Variants in POU6F2 observed in about 807,000 individuals in gnomAD.
The protein encoded by POU6F2 is POU domain, class 6, transcription factor 2.
A neutral mutation model predicts 71.3 loss-of-function variants in POU6F2; 31 were observed. That is an observed-to-expected ratio of 0.43 (90% confidence interval 0.33 to 0.59). The LOEUF is 0.59. Ranked by LOEUF, POU6F2 falls within the 20% of genes least tolerant of loss-of-function variation. The pLI is 0.04. For synonymous variants in POU6F2, 347 were observed against 355.7 expected (o/e 0.98, Z 0.27); for missense variants, 783 against 856.8 (o/e 0.91, Z 1.07).
At chr7:38,992,119 G>A (rs2116628100) in intron 1 of POU6F2, among the ~76,000 whole-genome samples, 1 of 152,248 alleles carries the variant, frequency 6.6e-6, no homozygotes, top group African/African-American at 2.4e-5. Flanking sequence ...TGTAGCGGGA[G>A]CTCAGTGGGC....
chr7:39,331,289 C>T (rs1671262994), intron 4 of POU6F2, among the ~76,000 whole-genome samples: 2 of 152,136 alleles, frequency 1.3e-5, no homozygotes, highest in Admixed American at 6.5e-5. Flanking sequence ...GTATATACAT[C>T]TAATAGTGGG....
rs575666244 is a variant in POU6F2 at position 39,308,719 on chromosome 7, C to T, written c.599-30923C>T. ...GACTGGAGGCCATTGCTCCTGGGGG[C>T]AGCCAAAAAAGGTGTATTCTGCTCC... On this transcript the variant is annotated intron_variant, in intron 4 of 9. Coordinates refer to ENST00000518318, the MANE Select transcript of POU6F2 (RefSeq NM_001370959.1). Among the ~76,000 whole-genome samples, 14 of 152,234 alleles carry T rather than the reference C, an allele frequency of 9.2e-5. No homozygotes were observed. The South Asian group carries it at 2.9e-3, about 32-fold the overall frequency.
chr7:39,073,906 T>C (rs1292426293), intron 1 of POU6F2, among the ~76,000 whole-genome samples: 6 of 152,244 alleles, frequency 3.9e-5, no homozygotes, highest in Non-Finnish European at 5.9e-5. Flanking sequence ...GTGAACCTTG[T>C]AGAATTAAAA....
At chr7:39,007,861 A>AT (rs1304966365) in intron 1 of POU6F2, among the ~76,000 whole-genome samples, 1 of 151,326 alleles carries the variant, frequency 6.6e-6, no homozygotes, top group Admixed American at 6.6e-5. Context: ...TGAACTCATC[A>AT]TTTTTTATGG....
At chr7:39,230,774 C>T (rs1202892219) in intron 4 of POU6F2, among the ~76,000 whole-genome samples, 1 of 152,160 alleles carries the variant, frequency 6.6e-6, no homozygotes, top group Non-Finnish European at 1.5e-5. Flanking sequence ...GGTCAATATA[C>T]TCAATATATA....
intron 2 of POU6F2, among the ~76,000 whole-genome samples, chr7:39,118,761 A>G (rs1001880400): frequency 3.3e-5 from 5 of 152,232 alleles, no homozygotes; most frequent in African/African-American, 1.2e-4. Flanking sequence ...AACAAAGGAT[A>G]TGAACTGCCA....
intron 4 of POU6F2, among the ~76,000 whole-genome samples, chr7:39,322,236 A>C (rs1785412669): frequency 6.6e-6 from 1 of 152,122 alleles, no homozygotes; most frequent in Non-Finnish European, 1.5e-5. Context: ...TGACCAGGGG[A>C]AGAGAAGTGA....
intron 4 of POU6F2, among the ~76,000 whole-genome samples, chr7:39,271,681 C>T (rs1445204821): frequency 6.6e-6 from 1 of 152,140 alleles, no homozygotes; most frequent in African/African-American, 2.4e-5. Flanking sequence ...AGCAAACCTG[C>T]TCGATGTGCC....
At chr7:39,403,704 G>T (rs201584084) in intron 5 of POU6F2, among the ~76,000 whole-genome samples, 2 of 152,186 alleles carry the variant, frequency 1.3e-5, no homozygotes, top group East Asian at 3.8e-4. Flanking sequence ...ATGACCCGAG[G>T]TGATGAGAAG....
rs1248454686 is a variant in POU6F2, at chr7:39,223,148, T to C, written c.598+15528T>C. On this transcript the variant is annotated intron_variant, in intron 4 of 9. Coordinates refer to ENST00000518318, the MANE Select transcript of POU6F2 (RefSeq NM_001370959.1). Reference sequence around the variant, plus strand: ...TGTTGGGTGTGAAGTGATATCTCATTATGGTTGAAGGAGCATTTTTGAGAG... The same window carrying C: ...TGTTGGGTGTGAAGTGATATCTCATCATGGTTGAAGGAGCATTTTTGAGAG... 5.3e-5 allele frequency among the ~76,000 whole-genome samples: 8 copies of C among 152,166 alleles called. No homozygotes were observed. In the South Asian group the frequency reaches 1.7e-3, roughly 32 times the overall value.
chr7:39,327,595 TA>T (rs1434451594), intron 4 of POU6F2, among the ~76,000 whole-genome samples: 5 of 151,914 alleles, frequency 3.3e-5, no homozygotes, highest in Non-Finnish European at 5.9e-5. Flanking sequence ...CTCCCCACTC[TA>T]AAAAAGAAAA....
chr7:39,130,679 A>AT (rs550187206), intron 2 of POU6F2, among the ~76,000 whole-genome samples: 34 of 151,194 alleles, frequency 2.2e-4, no homozygotes, highest in Non-Finnish European at 3.5e-4. Flanking sequence ...TAAAAATCAG[A>AT]TTTTTTTTTT....
chr7:39,127,314 A>T (rs1033181185), intron 2 of POU6F2, among the ~76,000 whole-genome samples: 5 of 152,282 alleles, frequency 3.3e-5, no homozygotes, highest in Non-Finnish European at 7.4e-5. Flanking sequence ...CCTTACCAAA[A>T]ACGTGTCTAT....
chr7:39,406,887 A>G (rs1787445198), intron 6 of POU6F2, 147 bp downstream of exon 6: 1 of 1,155,268 alleles, frequency 8.7e-7, no homozygotes, highest in Non-Finnish European at 1.2e-6. Flanking sequence ...GAATAGGAGA[A>G]GGGTTGGGAG....
At chr7:39,454,713 TATATATATATATATAAAA>T (rs1788756598) in intron 8 of POU6F2, among the ~76,000 whole-genome samples, 1 of 76,734 alleles carries the variant, frequency 1.3e-5, no homozygotes, top group Non-Finnish European at 2.8e-5. Context: ...TATATATATA[TATATATATATATATAAAA>T]TAAGATATAT....
At chr7:39,198,150 T>A (rs1217249270) in intron 2 of POU6F2, among the ~76,000 whole-genome samples, 1 of 152,216 alleles carries the variant, frequency 6.6e-6, no homozygotes, top group Non-Finnish European at 1.5e-5. Context: ...CTGCTTTTAT[T>A]AGATAGATGT....
intron 4 of POU6F2, among the ~76,000 whole-genome samples, chr7:39,218,967 G>A (rs754558025): frequency 6.6e-6 from 1 of 152,074 alleles, no homozygotes; most frequent in Non-Finnish European, 1.5e-5. Context: ...AGAGATTTCT[G>A]GGGGAGAAGA....
intron 6 of POU6F2, among the ~76,000 whole-genome samples, chr7:39,431,317 T>TAGGGATGAG (rs1472109404): frequency 2.0e-5 from 3 of 152,156 alleles, no homozygotes; most frequent in Admixed American, 6.5e-5. Flanking sequence ...AGCAATGGCA[T>TAGGGATGAG]AGGGATGAGG....
intron 4 of POU6F2, among the ~76,000 whole-genome samples, chr7:39,210,627 C>T (rs745671878): frequency 2.0e-5 from 3 of 152,122 alleles, no homozygotes; most frequent in Non-Finnish European, 2.9e-5. Context: ...CAGCTCTTCT[C>T]GACTCTGACA....
Sources: gnomAD v4.1 joint callset for allele counts (sites outside exome capture counted in the v4.1 genomes callset) on GRCh38, gnomAD v4.1.1 for gene constraint, MANE v1.5 for transcripts, NCBI Gene and HGNC (gene_info 2026-07-23, HGNC 2026-07-21) for gene names.